Variants in NAV2 observed in about 807,000 individuals in gnomAD.
NAV2 encodes the protein neuron navigator 2, also known as helicase, APC down-regulated 1.
A neutral mutation model predicts 223.2 loss-of-function variants in NAV2; 54 were observed. That is an observed-to-expected ratio of 0.24 (90% CI 0.19 to 0.30). The LOEUF is 0.30. Among genes scored for constraint, NAV2 ranks in the 10% least tolerant of loss-of-function variants. The probability of loss-of-function intolerance (pLI) is 1.00; values close to 1 mark genes in which losing one functional copy is unlikely to be tolerated. For missense variants in NAV2, 2,806 were observed against 3,147.5 expected (o/e 0.89, Z 2.60); for synonymous variants, 1,279 against 1,239.3 (o/e 1.03, Z -0.67).
At chr11:19,965,243 C>T (rs2048674701) in intron 10 of NAV2, among the ~76,000 whole-genome samples, 1 of 152,184 alleles carries the variant, frequency 6.6e-6, no homozygotes, top group South Asian at 2.1e-4. Context: ...AGCTAGGGAG[C>T]TGGGACTCAA....
Position 20,118,382 on chromosome 11 carries a change from C to T in NAV2, c.*124C>T, listed in dbSNP as rs1403489871. 4.4e-6 allele frequency: 5 copies of T among 1,146,644 alleles called. No homozygotes were observed. The African/African-American group carries it at 4.6e-5, about 11-fold the overall frequency. 71.0% of individuals were successfully genotyped at this position (1,146,644 alleles called of 1,614,324 possible). ...CACAGCCTTAGAGCTGCGGGAACAC[C>T]GAGACCCCCCGTCCTTCAGCCTCGA... On this transcript the variant is annotated 3_prime_UTR_variant, in exon 38 of 38. Coordinates refer to ENST00000349880, the MANE Select transcript of NAV2 (RefSeq NM_145117.5).
intron 1 of NAV2, among the ~76,000 whole-genome samples, chr11:19,658,936 T>TA (rs1332085556): frequency 6.6e-6 from 1 of 152,128 alleles, no homozygotes; most frequent in Non-Finnish European, 1.5e-5. Context: ...CTCTCTCCAC[T>TA]AGTCCTGGGG....
intron 19 of NAV2, chr11:20,056,638 C>T: frequency 6.3e-7 from 1 of 1,586,948 alleles, no homozygotes; most frequent in Non-Finnish European, 8.7e-7. Context: ...GGTGAGTAAG[C>T]AGTCAAAATT....
At chr11:19,576,018 A>T (rs1423774485) in intron 1 of NAV2, among the ~76,000 whole-genome samples, 3 of 152,208 alleles carry the variant, frequency 2.0e-5, no homozygotes, top group Non-Finnish European at 2.9e-5. Context: ...AGAGTGAGGA[A>T]TCTGAGGCTC....
At chr11:19,532,062 G>A (rs1174182463) in intron 1 of NAV2, among the ~76,000 whole-genome samples, 3 of 152,192 alleles carry the variant, frequency 2.0e-5, no homozygotes, top group African/African-American at 4.8e-5. Flanking sequence ...GCCATTAAAA[G>A]CAATGGAAAC....
intron 1 of NAV2, among the ~76,000 whole-genome samples, chr11:19,621,246 G>T (rs1243166061): frequency 1.3e-5 from 2 of 152,132 alleles, no homozygotes; most frequent in African/African-American, 4.8e-5. Context: ...TCTCTGCCAG[G>T]CTTTGGTATC....
At chr11:19,431,356 A>G (rs989225114) in intron 1 of NAV2, among the ~76,000 whole-genome samples, 2 of 152,174 alleles carry the variant, frequency 1.3e-5, no homozygotes, top group Non-Finnish European at 2.9e-5. Context: ...ACTGCAGTGT[A>G]CCCATCTTAG....
At chr11:19,969,916 A>G (rs1208715457) in intron 10 of NAV2, among the ~76,000 whole-genome samples, 1 of 151,898 alleles carries the variant, frequency 6.6e-6, no homozygotes, top group South Asian at 2.1e-4. Context: ...ACTGCACTCC[A>G]GCCTTGGTGA....
At chr11:19,670,888 A>G (rs751957760) in intron 1 of NAV2, among the ~76,000 whole-genome samples, 8 of 152,232 alleles carry the variant, frequency 5.3e-5, no homozygotes, top group Admixed American at 1.3e-4. Context: ...TGCAGCCACA[A>G]TCTAGTTCAT....
At chr11:19,351,119 T>G in intron 1 of NAV2, 1 of 1,268,544 alleles carries the variant, frequency 7.9e-7, no homozygotes, top group Non-Finnish European at 1.1e-6. Context: ...CGAGCATGCT[T>G]GTCTGTCTTT....
At chr11:19,966,239 G>T (rs2048759956) in intron 10 of NAV2, among the ~76,000 whole-genome samples, 1 of 152,172 alleles carries the variant, frequency 6.6e-6, no homozygotes, top group Non-Finnish European at 1.5e-5. Context: ...ATCCAGAGAT[G>T]TTGCTGTGGT....
At chr11:19,995,091 C>T (rs2051740169) in intron 11 of NAV2, among the ~76,000 whole-genome samples, 1 of 152,248 alleles carries the variant, frequency 6.6e-6, no homozygotes, top group African/African-American at 2.4e-5. Context: ...AGACCTTGTT[C>T]TATACCTGGC....
intron 1 of NAV2, among the ~76,000 whole-genome samples, chr11:19,732,602 C>T (rs2051899364): frequency 6.6e-6 from 1 of 152,204 alleles, no homozygotes; most frequent in African/African-American, 2.4e-5. Context: ...AGAGAGGCGC[C>T]TCTGGGAGAA....
At chr11:19,737,062 G>A (rs2052385159) in intron 1 of NAV2, among the ~76,000 whole-genome samples, 1 of 152,254 alleles carries the variant, frequency 6.6e-6, no homozygotes, top group Admixed American at 6.5e-5. Context: ...TAGCCGTAGA[G>A]CCCAAGGCAA....
intron 1 of NAV2, among the ~76,000 whole-genome samples, chr11:19,459,238 T>G (rs1354663019): frequency 6.6e-6 from 1 of 152,200 alleles, no homozygotes; most frequent in Admixed American, 6.5e-5. Flanking sequence ...CCAGGCTAGG[T>G]CCAGGGGCAA....
chr11:19,693,108 T>C (rs561927145), intron 1 of NAV2, among the ~76,000 whole-genome samples: 71 of 152,354 alleles, frequency 4.7e-4, no homozygotes, highest in African/African-American at 1.7e-3. Context: ...GCCCTTGTAT[T>C]TTCAGATTAA....
At chr11:19,362,031 G>T (rs1853982569) in intron 1 of NAV2, among the ~76,000 whole-genome samples, 1 of 152,186 alleles carries the variant, frequency 6.6e-6, no homozygotes, top group African/African-American at 2.4e-5. Flanking sequence ...GGCTCTGGAT[G>T]GGGAGGAGGA....
intron 1 of NAV2, among the ~76,000 whole-genome samples, chr11:19,638,376 A>C (rs2047563266): frequency 1.3e-5 from 2 of 152,234 alleles, no homozygotes; most frequent in South Asian, 4.1e-4. Context: ...TGCTTGAGAA[A>C]GCAGAACTTT....
At chr11:19,869,365 T>C (rs2062314963) in intron 4 of NAV2, among the ~76,000 whole-genome samples, 1 of 152,252 alleles carries the variant, frequency 6.6e-6, no homozygotes, top group African/African-American at 2.4e-5. Context: ...ATATTTCAGC[T>C]GTACAGTTCC....
Sources: allele counts gnomAD v4.1 joint callset (sites outside exome capture counted in the v4.1 genomes callset), GRCh38; gene constraint gnomAD v4.1.1; transcripts MANE v1.5; gene names NCBI Gene and HGNC (gene_info 2026-07-23, HGNC 2026-07-21).